The following GTSF1 variants were observed in gnomAD, a reference collection of about 807,000 sequenced individuals.
The protein encoded by GTSF1 is gametocyte specific factor 1.
GTSF1 carries 11 observed loss-of-function variants against 28.9 expected under a neutral mutation model. That is an observed-to-expected ratio of 0.38 (90% CI 0.24 to 0.63). The LOEUF (loss-of-function observed/expected upper bound fraction) is 0.63, where lower values mean the gene tolerates loss of function less well. GTSF1 is among the 30% of genes least tolerant of loss of function. The pLI is 0.56. For missense variants in GTSF1, 146 were observed against 201.0 expected (o/e 0.73, Z 1.66); for synonymous variants, 69 against 65.6 (o/e 1.05, Z -0.25).
At position 54,459,077 on chromosome 12, in the gene GTSF1, T is replaced by G; in HGVS notation, c.*20+12A>C. ...ATCTGAAGAGACAGTGAAATAAAAC[T>G]GAAACACTTACTTGATGAGATAGGT... is the stretch of plus-strand genomic sequence containing the variant. On this transcript the variant is annotated intron_variant, in intron 8 of 8. Coordinates refer to ENST00000305879, the MANE Select transcript of GTSF1 (RefSeq NM_144594.3). 6.3e-7 allele frequency: 1 copy of G among 1,583,926 alleles called. No individual in the cohort carries two copies. Among genetic ancestry groups the G allele is most frequent in the Non-Finnish European group, 8.6e-7 (1 of 1,159,218 alleles).
At chr12:54,461,639 TAA>T (rs1956424817) in intron 6 of GTSF1, among the ~76,000 whole-genome samples, 1 of 152,058 alleles carries the variant, frequency 6.6e-6, no homozygotes, top group Non-Finnish European at 1.5e-5. Flanking sequence ...TCCCTGTCTC[TAA>T]AAAAATAAAT....
At chr12:54,471,869 AC>A (rs71070819) in intron 1 of GTSF1, 82,504 of 150,616 alleles carry the variant, frequency 0.55, 24,476 homozygotes, top group East Asian at 0.83. Context: ...AAACAAAACA[AC>A]CCCCCCCCAA....
Position 54,463,221 on chromosome 12 carries a change from C to T in GTSF1, c.194G>A (p.Ser65Asn). 2 of 1,613,982 alleles carry T rather than the reference C, an allele frequency of 1.2e-6. No homozygotes were observed. Among genetic ancestry groups the T allele is most frequent in the Non-Finnish European group, 1.7e-6 (2 of 1,179,880 alleles). Residue 65 changes from serine (S) to asparagine (N), a missense_variant, in exon 4 of 9, where the codon AGT becomes AAT. Coordinates refer to ENST00000305879, the MANE Select transcript of GTSF1 (RefSeq NM_144594.3). ...GTCATCACAGCTTGAGATATGATGACTAATTTCAGCTCGAGGAACCTGGTG... is the reference window on the plus strand; with the variant it reads ...GTCATCACAGCTTGAGATATGATGATTAATTTCAGCTCGAGGAACCTGGTG... The part of the protein sequence containing the change: ...ARHQVPRAEI[S>N]HHISSCDDRS...
Position 54,462,090 on chromosome 12 carries a change from A to G in GTSF1, c.392+19T>C, listed in dbSNP as rs1196666244. The G allele has an allele frequency of 2.5e-6, 4 of 1,598,100 alleles. No homozygotes were observed. The South Asian group carries it at 3.3e-5, about 13-fold the overall frequency. ...GCTGATTTTGGGAGACAATGCTGGG[A>G]TAAGACTATTTCATTTACCTGTTGT... On this transcript the variant is annotated intron_variant, in intron 6 of 8. Transcript: ENST00000305879.
chr12:54,457,851 G>A (rs866493961), intron 8 of GTSF1, among the ~76,000 whole-genome samples: 1 of 152,136 alleles, frequency 6.6e-6, no homozygotes, highest in Non-Finnish European at 1.5e-5. Context: ...ACAATTTGAC[G>A]TCAGAATCTA....
chr12:54,468,191 G>C (rs1269030629), intron 2 of GTSF1, among the ~76,000 whole-genome samples: 1 of 152,100 alleles, frequency 6.6e-6, no homozygotes, highest in Non-Finnish European at 1.5e-5. Flanking sequence ...GTGCAGTGGT[G>C]CGATCTTGGC....
rs753249163 is a variant in GTSF1 at position 54,459,103 on chromosome 12, A to G, written c.*6T>C. On this transcript the variant is annotated 3_prime_UTR_variant, in exon 8 of 9. Coordinates refer to ENST00000305879, the MANE Select transcript of GTSF1 (RefSeq NM_144594.3). ...GAAACACTTACTTGATGAGATAGGTATTCAGTTACTGTGCATTTCCATCTA... is the reference window on the plus strand; with the variant it reads ...GAAACACTTACTTGATGAGATAGGTGTTCAGTTACTGTGCATTTCCATCTA... 3.1e-6 allele frequency: 5 copies of G among 1,602,478 alleles called. No individual in the cohort carries two copies. The East Asian group carries it at 9.0e-5, about 29-fold the overall frequency.
chr12:54,466,132 G>C (rs1164222734), intron 2 of GTSF1, among the ~76,000 whole-genome samples: 1 of 152,196 alleles, frequency 6.6e-6, no homozygotes, highest in Non-Finnish European at 1.5e-5. Context: ...GGCTATACAA[G>C]ATGACCAGGC....
At chr12:54,457,731 T>C (rs369377159) in intron 8 of GTSF1, among the ~76,000 whole-genome samples, 1 of 152,326 alleles carries the variant, frequency 6.6e-6, no homozygotes, top group Middle Eastern at 3.4e-3. Flanking sequence ...GCTGGGATGA[T>C]AGGTGCATAC....
chr12:54,457,360 T>C (rs1188425008), intron 8 of GTSF1, among the ~76,000 whole-genome samples: 1 of 152,220 alleles, frequency 6.6e-6, no homozygotes, highest in East Asian at 1.9e-4. Flanking sequence ...CTATTCATAT[T>C]GTTTGATCGC....
intron 1 of GTSF1, among the ~76,000 whole-genome samples, chr12:54,472,808 T>C (rs1956608001): frequency 6.6e-6 from 1 of 152,218 alleles, no homozygotes; most frequent in Non-Finnish European, 1.5e-5. Context: ...ATTAGTGAAT[T>C]TGTCTTAAAA....
intron 2 of GTSF1, among the ~76,000 whole-genome samples, chr12:54,467,237 G>A (rs1956530865): frequency 6.6e-6 from 1 of 151,848 alleles, no homozygotes; most frequent in South Asian, 2.1e-4. Flanking sequence ...TTTGTGACTA[G>A]CCTATTTCAC....
chr12:54,464,118 C>T (rs540199446), intron 3 of GTSF1, among the ~76,000 whole-genome samples: 5 of 152,266 alleles, frequency 3.3e-5, no homozygotes, highest in African/African-American at 7.2e-5. Context: ...TTGCAGGCAT[C>T]GCCGTCATTT....
chr12:54,469,419 G>A (rs1178702825), intron 2 of GTSF1, among the ~76,000 whole-genome samples: 1 of 88,452 alleles, frequency 1.1e-5, no homozygotes. Flanking sequence ...AGGCGTAGTG[G>A]CTTATGCTTG....
chr12:54,462,680 G>C lies in GTSF1; in HGVS notation c.290C>G (p.Thr97Ser), dbSNP rs541001350. 6.2e-7 allele frequency: 1 copy of C among 1,614,146 alleles called. No homozygotes were observed. The highest frequency in any genetic ancestry group is 1.1e-5 in the South Asian group (1 of 91,082). The change falls in exon 5 of 9, where the codon ACT (threonine) becomes AGT (serine). Residue 97 changes from threonine to serine, a missense_variant. Physicochemically the swap from Thr to Ser is moderately conservative, Grantham distance 58 (BLOSUM62 1). Coordinates refer to ENST00000305879, the MANE Select transcript of GTSF1 (RefSeq NM_144594.3). ...SLRQETLAES[T>S]WQCPPCDEDW... ...TTCATCGCAAGGAGGGCACTGCCAA[G>C]TGCTCTCAGCCAGAGTCTCTTGTCT...
At chr12:54,456,980 G>A (rs888751538) in intron 8 of GTSF1, among the ~76,000 whole-genome samples, 7 of 152,224 alleles carry the variant, frequency 4.6e-5, no homozygotes, top group South Asian at 2.1e-4. Flanking sequence ...AGCTATTTGG[G>A]AGGCTGAGGT....
chr12:54,466,816 CTTTTTTT>C (rs11404162), intron 2 of GTSF1: 4 of 119,874 alleles, frequency 3.3e-5, no homozygotes, highest in African/African-American at 1.3e-4. Flanking sequence ...ATTTAAAAAT[CTTTTTTT>C]TTTTTTTTTT....
intron 1 of GTSF1, among the ~76,000 whole-genome samples, 156 bp downstream of exon 1, chr12:54,473,390 G>A (rs1956613012): frequency 6.6e-6 from 1 of 152,194 alleles, no homozygotes; most frequent in African/African-American, 2.4e-5. Context: ...AGTGGGCAAT[G>A]CAGCGAAACA....
At chr12:54,471,350 T>TC in intron 1 of GTSF1, 73 bp from the exon 2 acceptor site, 14 of 1,021,330 alleles carry the variant, frequency 1.4e-5, no homozygotes, top group Non-Finnish European at 2.0e-5. Context: ...AGAAGTGGAG[T>TC]CACTTCTGGA....
Sources: allele counts gnomAD v4.1 joint callset (sites outside exome capture counted in the v4.1 genomes callset), GRCh38; gene constraint gnomAD v4.1.1; transcripts MANE v1.5; gene names NCBI Gene and HGNC (gene_info 2026-07-23, HGNC 2026-07-21).